Variants in MLYCD observed in about 807,000 individuals in gnomAD.
The protein encoded by MLYCD is malonyl-CoA decarboxylase, mitochondrial.
A neutral mutation model predicts 35.8 loss-of-function variants in MLYCD; 27 were observed. The observed-to-expected ratio is 0.75, with a 90% CI of 0.56 to 1.04. MLYCD has a LOEUF of 1.04. MLYCD is among the 50% of genes least tolerant of loss of function. MLYCD has a pLI of 0.00. For missense variants in MLYCD, 917 were observed against 665.1 expected (o/e 1.38, Z -4.17); for synonymous variants, 403 against 302.4 (o/e 1.33, Z -3.45).
rs1255479603 is a variant in MLYCD, at chr16:83,908,155, G to A, written c.671G>A (p.Trp224Ter). 1.2e-6 allele frequency: 2 copies of A among 1,614,072 alleles called. No individual in the cohort carries two copies. Among genetic ancestry groups the A allele is most frequent in the Non-Finnish European group, 1.7e-6 (2 of 1,180,032 alleles). The change falls in exon 3 of 5, where the codon TGG becomes TAG. Residue 224 changes from tryptophan to a stop codon, truncating the protein, a stop_gained. Coordinates refer to ENST00000262430, the MANE Select transcript of MLYCD (RefSeq NM_012213.3). LOFTEE classifies it high-confidence loss of function. Reference protein sequence around the residue: ...EAEAVHPVKNWMDMKRRVGPY... With the variant: ...EAEAVHPVKN ...GAGGCTGTGCATCCTGTAAAAAACT[G>A]GATGGACATGAAGCGCCGCGTTGGG...
intron 4 of MLYCD, chr16:83,914,189 T>TCA (rs1907287547): frequency 6.6e-6 from 1 of 152,438 alleles, no homozygotes; most frequent in Non-Finnish European, 1.5e-5. Context: ...AAGTAGCAGA[T>TCA]TGTTTGAAAT....
rs999766967 is a variant in MLYCD, at chr16:83,922,311, T to C, written c.*6822T>C. 1 of 152,234 alleles carries C rather than the reference T, an allele frequency of 6.6e-6. No homozygotes were observed. The highest frequency in any genetic ancestry group is 2.4e-5 in the African/African-American group (1 of 41,440). 9.4% of individuals were successfully genotyped at this position (152,234 alleles called of 1,614,324 possible). On this transcript the variant is annotated 3_prime_UTR_variant, in exon 5 of 5. Coordinates refer to ENST00000262430, the MANE Select transcript of MLYCD (RefSeq NM_012213.3). ...GCTCTCCTTATCTCTTGGAGCCCTG[T>C]CATCTGTGGATCAGATGCTCCCCAG... is the stretch of plus-strand genomic sequence containing the variant.
At chr16:83,912,189 C>A (rs762866599) in intron 3 of MLYCD, 29 bp from the exon 4 acceptor site, 60 of 1,613,996 alleles carry the variant, frequency 3.7e-5, no homozygotes, top group Non-Finnish European at 4.9e-5. Context: ...GGCCAGGCCA[C>A]CCTTAGAACC....
intron 1 of MLYCD, among the ~76,000 whole-genome samples, chr16:83,901,991 C>A (rs531393920): frequency 6.6e-6 from 1 of 151,872 alleles, no homozygotes; most frequent in South Asian, 2.1e-4. Context: ...TTATTGTGCC[C>A]CTTCCATTTC....
Position 83,917,210 on chromosome 16 carries a change from C to G in MLYCD, c.*1721C>G, listed in dbSNP as rs1255491586. The G allele has an allele frequency of 7.2e-6, 1 of 139,454 alleles. No homozygotes were observed. Among genetic ancestry groups the G allele is most frequent in the South Asian group, 2.3e-4 (1 of 4,442 alleles). The allele number at this position is 139,454 out of a possible 1,614,324, so 8.6% of individuals were successfully genotyped here. ...GTGTCAGTGCACGTCTGTGTGTGCA[C>G]GAGCGTCTCTGTGTGGATCAGTGCA... On this transcript the variant is annotated 3_prime_UTR_variant, in exon 5 of 5. Coordinates refer to ENST00000262430, the MANE Select transcript of MLYCD (RefSeq NM_012213.3).
At chr16:83,906,507 C>G (rs935374645) in intron 1 of MLYCD, among the ~76,000 whole-genome samples, 1 of 152,178 alleles carries the variant, frequency 6.6e-6, no homozygotes, top group African/African-American at 2.4e-5. Flanking sequence ...AAATAGGGTT[C>G]CTGAACCAAG....
chr16:83,921,567 TCCCTTCTCCATG>T lies in MLYCD; in HGVS notation c.*6081_*6092del, dbSNP rs1282519836. On this transcript the variant is annotated 3_prime_UTR_variant, in exon 5 of 5. Coordinates refer to ENST00000262430, the MANE Select transcript of MLYCD (RefSeq NM_012213.3). ...GGATGGGTGGATGGATGTATTAACATCCCTTCTCCATGCCTCAGTCCCCATCATAAGGAGAAA... is the reference window on the plus strand; with the variant it reads ...GGATGGGTGGATGGATGTATTAACATCCTCAGTCCCCATCATAAGGAGAAA... 2 of 152,130 alleles carry T rather than the reference TCCCTTCTCCATG, an allele frequency of 1.3e-5. No homozygotes were observed. Among genetic ancestry groups the T allele is most frequent in the Admixed American group, 1.3e-4 (2 of 15,272 alleles). 9.4% of individuals were successfully genotyped at this position (152,130 alleles called of 1,614,324 possible). A position where few individuals can be genotyped will look rare whatever the true frequency, so the allele number is the denominator to read the frequency against.
intron 3 of MLYCD, chr16:83,911,544 T>TG: frequency 6.5e-6 from 1 of 152,870 alleles, no homozygotes; most frequent in Non-Finnish European, 1.5e-5. Flanking sequence ...AACGCTGCCG[T>TG]GAGAATGAGA....
At chr16:83,899,707 A>C in intron 1 of MLYCD, 35 bp downstream of exon 1, 1 of 1,486,430 alleles carries the variant, frequency 6.7e-7, no homozygotes, top group Non-Finnish European at 8.9e-7. Flanking sequence ...GGCAGCGCGG[A>C]CTGGCCGCCC....
At position 83,912,511 on chromosome 16, in the gene MLYCD, A is replaced by G. The variant is rs4386124; in HGVS notation, c.948+144A>G. ...GCAGGGGGTAGAAAAGGTGCCAGAGACCCCTTGGCAACTCCTAGGAGCCAT... is the reference window on the plus strand; with the variant it reads ...GCAGGGGGTAGAAAAGGTGCCAGAGGCCCCTTGGCAACTCCTAGGAGCCAT... On this transcript the variant is annotated intron_variant, in intron 4 of 4. Transcript: ENST00000262430. The G allele has an allele frequency of 0.17, 193,701 of 1,114,080 alleles. 18,879 individuals carry two copies. The highest frequency in any genetic ancestry group is 0.38 in the African/African-American group (24,773 of 64,698). The allele number at this position is 1,114,080 out of a possible 1,614,324, so 69.0% of individuals were successfully genotyped here.
intron 4 of MLYCD, chr16:83,912,639 A>G (rs1476815847): frequency 4.2e-6 from 2 of 478,916 alleles, no homozygotes; most frequent in African/African-American, 2.0e-5. Context: ...AACTCTCTCT[A>G]GGGTGACCTC....
chr16:83,900,582 ATTTTT>A (rs1156957811), intron 1 of MLYCD, among the ~76,000 whole-genome samples: 2 of 121,066 alleles, frequency 1.7e-5, no homozygotes, highest in Non-Finnish European at 1.7e-5. Context: ...TGCCCGGCTA[ATTTTT>A]TTTTTTTTTT....
intron 1 of MLYCD, among the ~76,000 whole-genome samples, chr16:83,906,197 G>C (rs969287664): frequency 2.0e-5 from 3 of 152,002 alleles, no homozygotes; most frequent in African/African-American, 7.3e-5. Flanking sequence ...GACTAGCCTG[G>C]GCAACGTGGC....
At chr16:83,914,079 G>A (rs1907283197) in intron 4 of MLYCD, 1 of 152,094 alleles carries the variant, frequency 6.6e-6, no homozygotes, top group African/African-American at 2.4e-5. Flanking sequence ...TGTCGAGAGT[G>A]GTTTTCTCAA....
chr16:83,902,928 G>A (rs537366330), intron 1 of MLYCD, among the ~76,000 whole-genome samples: 1 of 152,166 alleles, frequency 6.6e-6, no homozygotes, highest in Non-Finnish European at 1.5e-5. Context: ...CCCTGTGGTT[G>A]CATGGTAGGT....
chr16:83,926,354 C>G lies in MLYCD; in HGVS notation c.*10865C>G, dbSNP rs546734902. 6.6e-6 allele frequency: 1 copy of G among 152,612 alleles called. No homozygotes were observed. Among genetic ancestry groups the G allele is most frequent in the East Asian group, 1.9e-4 (1 of 5,190 alleles). The allele number at this position is 152,612 out of a possible 1,614,324, so 9.5% of individuals were successfully genotyped here. Reference sequence around the variant, plus strand: ...CTGCACTGGGAAGGAGGGTCCCTGTCCCCGTTTGACGGGTGACGACACTGA... The same window carrying G: ...CTGCACTGGGAAGGAGGGTCCCTGTGCCCGTTTGACGGGTGACGACACTGA... On this transcript the variant is annotated 3_prime_UTR_variant, in exon 5 of 5. Coordinates refer to ENST00000262430, the MANE Select transcript of MLYCD (RefSeq NM_012213.3).
At position 83,920,882 on chromosome 16, in the gene MLYCD, G is replaced by A. The variant is rs1171445992; in HGVS notation, c.*5393G>A. 1 of 151,526 alleles carries A rather than the reference G, an allele frequency of 6.6e-6. No homozygotes were observed. The highest frequency in any genetic ancestry group is 1.5e-5 in the Non-Finnish European group (1 of 67,990). 9.4% of individuals were successfully genotyped at this position (151,526 alleles called of 1,614,324 possible). Reference sequence around the variant, plus strand: ...GCAGGTCCTCAATGAACATTAGATGGATGGATGGAAGGAAGGAAGATGGAT... The same window carrying A: ...GCAGGTCCTCAATGAACATTAGATGAATGGATGGAAGGAAGGAAGATGGAT... On this transcript the variant is annotated 3_prime_UTR_variant, in exon 5 of 5. Coordinates refer to ENST00000262430, the MANE Select transcript of MLYCD (RefSeq NM_012213.3).
rs1411691908 is a variant in MLYCD, at chr16:83,918,876, CAGG to C, written c.*3390_*3392del. 7.2e-6 allele frequency: 1 copy of C among 137,980 alleles called. No individual in the cohort carries two copies. The highest frequency in any genetic ancestry group is 2.2e-4 in the East Asian group (1 of 4,478). 8.5% of individuals were successfully genotyped at this position (137,980 alleles called of 1,614,324 possible). On this transcript the variant is annotated 3_prime_UTR_variant, in exon 5 of 5. Transcript: ENST00000262430. ...CAGTGCACAGAACACAGCCAGTGCA[CAGG>C]AGAACACTGCACAGGAGAACCACAC...
chr16:83,912,226 G>A lies in MLYCD; in HGVS notation c.807G>A (p.Val269=), dbSNP rs1336916968. Residue 269 remains valine (V), a synonymous_variant, in exon 4 of 5, where the codon GTG becomes GTA. Coordinates refer to ENST00000262430, the MANE Select transcript of MLYCD (RefSeq NM_012213.3). The part of the protein sequence containing the change: ...GDISSNIQAI[V]KEHPPSETEE... ...TCGTTGGTGTTTTCCAGGCAATCGT[G>A]AAGGAACATCCTCCATCAGAAACAG... 3 of 1,614,076 alleles carry A rather than the reference G, an allele frequency of 1.9e-6. No individual in the cohort carries two copies. The African/African-American group carries it at 4.0e-5, about 22-fold the overall frequency.
Sources: gnomAD v4.1 joint callset for allele counts (sites outside exome capture counted in the v4.1 genomes callset) on GRCh38, gnomAD v4.1.1 for gene constraint, MANE v1.5 for transcripts, NCBI Gene and HGNC (gene_info 2026-07-23, HGNC 2026-07-21) for gene names.